The following STYX variants were observed in gnomAD, a reference collection of about 807,000 sequenced individuals.
The protein encoded by STYX is serine/threonine/tyrosine-interacting protein.
Under a neutral mutation model 42.7 loss-of-function variants are expected in STYX, and 20 were observed. The ratio of observed to expected loss-of-function variants is 0.47; its 90% CI spans 0.33 to 0.68. The LOEUF is 0.68. Ranked by LOEUF, STYX falls within the 30% of genes least tolerant of loss-of-function variation. STYX has a pLI of 0.02. For synonymous variants in STYX, 78 were observed against 81.9 expected (o/e 0.95, Z 0.26); for missense variants, 226 against 268.5 (o/e 0.84, Z 1.11).
At chr14:52,744,062 A>G (rs1211242377) in intron 1 of STYX, among the ~76,000 whole-genome samples, 2 of 152,154 alleles carry the variant, frequency 1.3e-5, no homozygotes, top group Admixed American at 6.5e-5. Context: ...GAGCTCAAGC[A>G]ATCTGCCTGC....
At chr14:52,733,575 C>G (rs1880822686) in intron 1 of STYX, among the ~76,000 whole-genome samples, 1 of 152,136 alleles carries the variant, frequency 6.6e-6, no homozygotes, top group Admixed American at 6.5e-5. Context: ...TCCCGTTACT[C>G]CCTCCTTGGT....
intron 1 of STYX, among the ~76,000 whole-genome samples, chr14:52,732,595 G>C (rs1266547782): frequency 1.3e-5 from 2 of 151,438 alleles, no homozygotes; most frequent in East Asian, 3.9e-4. Flanking sequence ...GAAAACAGGA[G>C]GTCATATTTA....
At chr14:52,757,109 A>C (rs1190834105) in intron 5 of STYX, among the ~76,000 whole-genome samples, 4 of 152,208 alleles carry the variant, frequency 2.6e-5, no homozygotes, top group African/African-American at 9.6e-5. Flanking sequence ...TTGAGGAATC[A>C]TATTGTGAAT....
intron 3 of STYX, among the ~76,000 whole-genome samples, chr14:52,746,786 C>G (rs1405522955): frequency 6.6e-6 from 1 of 152,164 alleles, no homozygotes; most frequent in African/African-American, 2.4e-5. Flanking sequence ...AATTGCTAAT[C>G]ATAGCTTCAG....
rs1320624262 is a variant in STYX, at chr14:52,774,547, T to A, written c.*3441T>A. ...AGAAGTACTGAAAGACCTTTTTTTTTAATTGATTAGAAAAGTAAGTCTCTA... is the reference window on the plus strand; with the variant it reads ...AGAAGTACTGAAAGACCTTTTTTTTAAATTGATTAGAAAAGTAAGTCTCTA... On this transcript the variant is annotated 3_prime_UTR_variant, in exon 11 of 11. Transcript: ENST00000354586. The A allele has an allele frequency of 3.9e-5, 6 of 152,044 alleles. No individual in the cohort carries two copies. Among genetic ancestry groups the A allele is most frequent in the Admixed American group, 2.0e-4 (3 of 15,268 alleles). The allele number at this position is 152,044 out of a possible 1,614,324, so 9.4% of individuals were successfully genotyped here.
intron 4 of STYX, among the ~76,000 whole-genome samples, chr14:52,755,834 GCAGGAGTCA>G (rs931382899): frequency 6.6e-6 from 1 of 151,994 alleles, no homozygotes; most frequent in African/African-American, 2.4e-5. Flanking sequence ...AGGTTCATGA[GCAGGAGTCA>G]CAGGACCACT....
At position 52,744,893 on chromosome 14, in the gene STYX, A is replaced by G. The variant is rs1881334843; in HGVS notation, c.90+9A>G. ...TGAGACGAGAGATGCAGGTATGGCA[A>G]CCTTTTCTTTGTTCAAACCAACCCA... On this transcript the variant is annotated intron_variant, in intron 2 of 10. Coordinates refer to ENST00000354586, the MANE Select transcript of STYX (RefSeq NM_145251.4). 6.2e-7 allele frequency: 1 copy of G among 1,612,838 alleles called. No homozygotes were observed. The highest frequency in any genetic ancestry group is 2.2e-5 in the East Asian group (1 of 44,722).
chr14:52,753,765 G>A (rs757935200), intron 4 of STYX, among the ~76,000 whole-genome samples: 12 of 148,666 alleles, frequency 8.1e-5, no homozygotes, highest in South Asian at 2.1e-4. Context: ...TATTGTTGTC[G>A]GTTGAATCCA....
chr14:52,745,127 T>G lies in STYX; in HGVS notation c.90+243T>G, dbSNP rs557827048. Among the ~76,000 whole-genome samples the G allele has an allele frequency of 2.2e-3, 333 of 151,434 alleles. 2 individuals carry two copies. The highest frequency in any genetic ancestry group is 7.1e-3 in the African/African-American group (295 of 41,378). ...CTTTCTCTTGGTTTTTTTTTTGTTT[T>G]TTTTTTTTTTGAAACAGAGTTTCGC... On this transcript the variant is annotated intron_variant, in intron 2 of 10. Transcript: ENST00000354586.
Position 52,730,439 on chromosome 14 carries a change from T to A in STYX, c.-36T>A, listed in dbSNP as rs1354369607. 1.2e-6 allele frequency: 2 copies of A among 1,609,500 alleles called. No homozygotes were observed. Among genetic ancestry groups the A allele is most frequent in the Non-Finnish European group, 1.7e-6 (2 of 1,178,118 alleles). The stretch of plus-strand genomic sequence containing the variant: ...CGAGGGTCGGCCGGCTGTGTAACAC[T>A]CTCCCACCCCACCCACCAGCCCGCG... On this transcript the variant is annotated 5_prime_UTR_variant, in exon 1 of 11. Coordinates refer to ENST00000354586, the MANE Select transcript of STYX (RefSeq NM_145251.4).
At position 52,772,719 on chromosome 14, in the gene STYX, A is replaced by C. The variant is rs1195701003; in HGVS notation, c.*1613A>C. ...TACAGTAAAAGCTTTCTTACCCAGC[A>C]TAGTGGGAGAGTGGAGATTAATTAA... On this transcript the variant is annotated 3_prime_UTR_variant, in exon 11 of 11. Coordinates refer to ENST00000354586, the MANE Select transcript of STYX (RefSeq NM_145251.4). The C allele has an allele frequency of 6.6e-6, 1 of 152,606 alleles. No homozygotes were observed. Among genetic ancestry groups the C allele is most frequent in the African/African-American group, 2.4e-5 (1 of 41,450 alleles). 9.5% of individuals were successfully genotyped at this position (152,606 alleles called of 1,614,324 possible).
chr14:52,767,412 C>T (rs1224516078), intron 9 of STYX, among the ~76,000 whole-genome samples: 1 of 152,194 alleles, frequency 6.6e-6, no homozygotes, highest in African/African-American at 2.4e-5. Flanking sequence ...TAGTTTTCAT[C>T]TGCTTCATGG....
At chr14:52,736,466 G>A (rs2139879403) in intron 1 of STYX, among the ~76,000 whole-genome samples, 1 of 152,230 alleles carries the variant, frequency 6.6e-6, no homozygotes, top group South Asian at 2.1e-4. Context: ...GTTGTAGCTG[G>A]GGCTATTGGT....
At position 52,757,888 on chromosome 14, in the gene STYX, T is replaced by C. The variant is rs1391950867; in HGVS notation, c.395T>C (p.Ile132Thr). The change falls in exon 8 of 11, where the codon ATT (isoleucine) becomes ACT (threonine). Residue 132 changes from isoleucine to threonine, a missense_variant. Coordinates refer to ENST00000354586, the MANE Select transcript of STYX (RefSeq NM_145251.4). ...CCCCTCTTCAGTGCAGCCTTTGTTA[T>C]TGCATACATTATGGAAACATTTGGA... ...AGISRSAAFV[I>T]AYIMETFGMK... is the part of the protein sequence containing the mutation. The C allele has an allele frequency of 3.1e-6, 5 of 1,612,490 alleles. No individual in the cohort carries two copies. The African/African-American group carries it at 6.7e-5, about 22-fold the overall frequency.
At chr14:52,741,225 TATATA>T (rs1566670378) in intron 1 of STYX, among the ~76,000 whole-genome samples, 1 of 91,988 alleles carries the variant, frequency 1.1e-5, no homozygotes, top group Non-Finnish European at 2.4e-5. Flanking sequence ...TATATATATA[TATATA>T]TTTTTTTTTT....
chr14:52,730,599 TC>T, intron 1 of STYX, 68 bp downstream of exon 1: 1 of 1,552,030 alleles, frequency 6.4e-7, no homozygotes, highest in East Asian at 2.3e-5. Context: ...GCGACCCCAG[TC>T]CCCAACCGTC....
chr14:52,756,924 T>TA (rs1233932134), intron 5 of STYX, among the ~76,000 whole-genome samples: 1 of 152,110 alleles, frequency 6.6e-6, no homozygotes, highest in African/African-American at 2.4e-5. Context: ...CGACCTCAGG[T>TA]GATCTGCCTG....
intron 1 of STYX, among the ~76,000 whole-genome samples, chr14:52,743,779 G>C (rs115145447): frequency 1.6e-3 from 243 of 152,210 alleles, no homozygotes; most frequent in African/African-American, 5.3e-3. Flanking sequence ...AACCAACTTA[G>C]AAACTTTTGG....
intron 3 of STYX, among the ~76,000 whole-genome samples, chr14:52,748,787 A>G (rs1233837880): frequency 6.6e-6 from 1 of 152,104 alleles, no homozygotes; most frequent in African/African-American, 2.4e-5. Flanking sequence ...AGATAGGAAA[A>G]CTCCATAGGC....
Sources: allele counts gnomAD v4.1 joint callset (sites outside exome capture counted in the v4.1 genomes callset), GRCh38; gene constraint gnomAD v4.1.1; transcripts MANE v1.5; gene names NCBI Gene and HGNC (gene_info 2026-07-23, HGNC 2026-07-21).